Variants in RBFOX1 observed in about 807,000 individuals in gnomAD.
RBFOX1 encodes the protein RNA binding fox-1 homolog 1, also known as RNA binding protein fox-1 homolog 1.
RBFOX1 carries 8 observed loss-of-function variants against 57.7 expected under a neutral mutation model. The observed-to-expected ratio is 0.14, with a 90% CI of 0.08 to 0.25. RBFOX1 has a LOEUF of 0.25. RBFOX1 is among the 10% of genes least tolerant of loss of function. The pLI, the probability that RBFOX1 is intolerant of heterozygous loss-of-function variation, is 1.00. For synonymous variants in RBFOX1, 326 were observed against 222.4 expected (o/e 1.47, Z -4.15); for missense variants, 611 against 548.5 (o/e 1.11, Z -1.14).
chr16:5,774,723 C>T (rs1405956707), intron 3 of RBFOX1, among the ~76,000 whole-genome samples: 1 of 152,164 alleles, frequency 6.6e-6, no homozygotes, highest in Non-Finnish European at 1.5e-5. Flanking sequence ...CACTCTCTCG[C>T]CCAGACTAGA....
intron 3 of RBFOX1, among the ~76,000 whole-genome samples, chr16:6,879,529 G>A (rs1353173030): frequency 1.3e-5 from 2 of 152,136 alleles, no homozygotes; most frequent in African/African-American, 2.4e-5. Flanking sequence ...ACAAAGTTAG[G>A]TTAATGAGAT....
At chr16:6,156,811 C>T (rs2096841626) in intron 1 of RBFOX1, among the ~76,000 whole-genome samples, 1 of 152,094 alleles carries the variant, frequency 6.6e-6, no homozygotes, top group Non-Finnish European at 1.5e-5. Context: ...AATGGGTAGT[C>T]TGTATACTAT....
intron 1 of RBFOX1, among the ~76,000 whole-genome samples, chr16:6,244,244 A>G (rs1332892265): frequency 6.6e-6 from 1 of 151,698 alleles, no homozygotes; most frequent in African/African-American, 2.4e-5. Context: ...TCCAGCAAAA[A>G]TGTTAGTGGC....
chr16:7,615,657 C>A (rs919872580), intron 10 of RBFOX1, among the ~76,000 whole-genome samples: 1 of 151,956 alleles, frequency 6.6e-6, no homozygotes, highest in South Asian at 2.1e-4. Flanking sequence ...ATGGAGTGAC[C>A]TTTCTCTTAG....
At chr16:5,824,958 C>G (rs994167488) in intron 3 of RBFOX1, among the ~76,000 whole-genome samples, 103 of 152,280 alleles carry the variant, frequency 6.8e-4, no homozygotes, top group African/African-American at 2.3e-3. Context: ...TGGATTCTTA[C>G]TGTGAGGGTC....
chr16:6,898,304 C>G (rs1242892879), intron 3 of RBFOX1, among the ~76,000 whole-genome samples: 1 of 152,166 alleles, frequency 6.6e-6, no homozygotes, highest in African/African-American at 2.4e-5. Flanking sequence ...CCTCCACGAC[C>G]TCTCAGAGCA....
At chr16:6,212,136 G>A (rs1007745154) in intron 1 of RBFOX1, among the ~76,000 whole-genome samples, 4 of 152,028 alleles carry the variant, frequency 2.6e-5, no homozygotes, top group African/African-American at 9.7e-5. Flanking sequence ...GAGATTACAG[G>A]TATGAGCCAC....
At chr16:7,645,185 A>G (rs892889066) in intron 11 of RBFOX1, among the ~76,000 whole-genome samples, 3 of 152,156 alleles carry the variant, frequency 2.0e-5, no homozygotes, top group African/African-American at 7.2e-5. Context: ...ATAACAGCCT[A>G]GAAACTTCTG....
At chr16:7,043,540 AATG>A (rs1467684704) in intron 3 of RBFOX1, among the ~76,000 whole-genome samples, 1 of 152,212 alleles carries the variant, frequency 6.6e-6, no homozygotes, top group East Asian at 1.9e-4. Flanking sequence ...AAGAGTTTAT[AATG>A]ATTACAAAAA....
At chr16:6,215,517 AGTTT>A (rs941917592) in intron 1 of RBFOX1, among the ~76,000 whole-genome samples, 14 of 151,896 alleles carry the variant, frequency 9.2e-5, no homozygotes, top group African/African-American at 1.5e-4. Context: ...TTTTTTTCTG[AGTTT>A]GTTTATTTCC....
At chr16:6,830,827 C>G (rs79728118) in intron 3 of RBFOX1, among the ~76,000 whole-genome samples, 13,856 of 152,142 alleles carry the variant, frequency 0.091, 863 homozygotes, top group East Asian at 0.32. Flanking sequence ...TCGGTGTTGA[C>G]TTTACAATAT....
chr16:6,101,374 G>A (rs991399012), intron 1 of RBFOX1, among the ~76,000 whole-genome samples: 12 of 152,158 alleles, frequency 7.9e-5, no homozygotes, highest in Non-Finnish European at 1.5e-4. Flanking sequence ...GAACCAAGTC[G>A]TTAGCATCCA....
intron 4 of RBFOX1, among the ~76,000 whole-genome samples, chr16:6,008,319 C>A (rs1441964048): frequency 6.6e-6 from 1 of 150,794 alleles, no homozygotes; most frequent in Admixed American, 6.7e-5. Flanking sequence ...CCTGAAGCCA[C>A]AGAGAGCTGC....
intron 4 of RBFOX1, among the ~76,000 whole-genome samples, chr16:7,432,132 A>C (rs574105626): frequency 2.0e-5 from 3 of 152,258 alleles, no homozygotes; most frequent in South Asian, 2.1e-4. Context: ...TGGTCATCCA[A>C]CTCATTGTCA....
At chr16:7,513,991 C>G (rs568023690) in intron 4 of RBFOX1, among the ~76,000 whole-genome samples, 1 of 152,318 alleles carries the variant, frequency 6.6e-6, no homozygotes, top group South Asian at 2.1e-4. Flanking sequence ...CCCTTTCTCT[C>G]TCTTTCTACT....
At chr16:7,127,145 C>G (rs1240880150) in intron 4 of RBFOX1, among the ~76,000 whole-genome samples, 1 of 152,120 alleles carries the variant, frequency 6.6e-6, no homozygotes, top group Non-Finnish European at 1.5e-5. Context: ...TGTTCTACCC[C>G]TGACTGTGAT....
intron 3 of RBFOX1, among the ~76,000 whole-genome samples, chr16:7,015,109 A>AG (rs2093842947): frequency 6.6e-6 from 1 of 152,166 alleles, no homozygotes; most frequent in Non-Finnish European, 1.5e-5. Flanking sequence ...TTGGGGTCTG[A>AG]GACAGAGTTA....
chr16:5,713,100 C>G (rs1407168276), intron 3 of RBFOX1, among the ~76,000 whole-genome samples: 4 of 152,174 alleles, frequency 2.6e-5, no homozygotes, highest in Admixed American at 2.6e-4. Flanking sequence ...AAGCAAGCAT[C>G]CAAAACTTTT....
intron 1 of RBFOX1, among the ~76,000 whole-genome samples, chr16:6,301,744 C>T (rs1205490632): frequency 6.6e-6 from 1 of 152,052 alleles, no homozygotes; most frequent in African/African-American, 2.4e-5. Flanking sequence ...ACTTAATGCT[C>T]AATAAATGCT....
Sources: allele counts gnomAD v4.1 joint callset (sites outside exome capture counted in the v4.1 genomes callset), GRCh38; gene constraint gnomAD v4.1.1; transcripts MANE v1.5; gene names NCBI Gene and HGNC (gene_info 2026-07-23, HGNC 2026-07-21).